GNG7: variants seen among roughly 807,000 people sequenced by gnomAD.
GNG7 encodes the protein guanine nucleotide-binding protein G(I)/G(S)/G(O) subunit gamma-7.
In GNG7, 1 loss-of-function variant was observed where a neutral mutation model predicts 4.0. The observed-to-expected ratio is 0.25, with a 90% CI of 0.09 to 1.18. GNG7 has a LOEUF of 1.18. Ranked by LOEUF, GNG7 falls within the 50% of genes most tolerant of loss-of-function variation. GNG7 has a pLI of 0.50. For synonymous variants in GNG7, 34 were observed against 36.9 expected, an observed-to-expected ratio of 0.92 and a Z score of 0.29; for missense variants, 86 against 91.9, an observed-to-expected ratio of 0.94 and a Z score of 0.26.
At chr19:2,644,024 T>A (rs901778473) in intron 2 of GNG7, among the ~76,000 whole-genome samples, 1 of 152,110 alleles carries the variant, frequency 6.6e-6, no homozygotes, top group Non-Finnish European at 1.5e-5. Context: ...CACTTTATTT[T>A]ATTTTATTAT....
chr19:2,512,060 T>A lies in GNG7; in HGVS notation c.*2962A>T. The A allele has an allele frequency of 3.0e-6, 3 of 985,804 alleles. No homozygotes were observed. Among genetic ancestry groups the A allele is most frequent in the Non-Finnish European group, 3.6e-6 (3 of 829,940 alleles). 61.1% of individuals were successfully genotyped at this position (985,804 alleles called of 1,614,324 possible). A position where few individuals can be genotyped will look rare whatever the true frequency, so the allele number is the denominator to read the frequency against. On this transcript the variant is annotated 3_prime_UTR_variant, in exon 5 of 5. Transcript: ENST00000382159. The surrounding 1 kb of genome is among the most constrained non-coding windows in gnomAD (Gnocchi z 4.7). ...ACAGAAGGAGAAACGGCCTTCTCTC[T>A]CCCACCCGACGCTGCCTTGTGTGTG...
At chr19:2,524,531 T>C (rs979157219) in intron 3 of GNG7, among the ~76,000 whole-genome samples, 2 of 152,220 alleles carry the variant, frequency 1.3e-5, no homozygotes, top group South Asian at 2.1e-4. Flanking sequence ...TGTGCACACA[T>C]ATCTGCATGT....
intron 2 of GNG7, among the ~76,000 whole-genome samples, chr19:2,599,513 C>G (rs1483326625): frequency 6.6e-6 from 1 of 152,116 alleles, no homozygotes; most frequent in Non-Finnish European, 1.5e-5. Context: ...CCGCGTCACT[C>G]CGCCTGCCTG....
At chr19:2,567,431 C>T (rs1015024515) in intron 2 of GNG7, among the ~76,000 whole-genome samples, 7 of 151,388 alleles carry the variant, frequency 4.6e-5, no homozygotes, top group Non-Finnish European at 8.8e-5. Context: ...GCTCAAGCGA[C>T]CTCCCTGCCT....
chr19:2,543,800 G>A (rs1367629008), intron 3 of GNG7, among the ~76,000 whole-genome samples: 1 of 152,180 alleles, frequency 6.6e-6, no homozygotes, highest in Admixed American at 6.6e-5. Context: ...AGCCTTGTGT[G>A]GCGCGGCGTG....
chr19:2,660,158 A>G (rs1346190732), intron 1 of GNG7, among the ~76,000 whole-genome samples: 1 of 152,198 alleles, frequency 6.6e-6, no homozygotes, highest in Non-Finnish European at 1.5e-5. Context: ...CCTAGGATGC[A>G]TGTGTAAATC....
In GNG7 at chr19:2,664,766, C is replaced by T. The variant is rs77296835; in HGVS notation, c.-134-18486G>A. On this transcript the variant is annotated intron_variant, in intron 1 of 4. Transcript: ENST00000382159. The stretch of plus-strand genomic sequence containing the variant: ...TGCCAGTTAATGCAAGGTCTCTCCC[C>T]TGGAAACCGTGGACATTCAGAGCTG... Among the ~76,000 whole-genome samples, 871 of 152,146 alleles carry T rather than the reference C, an allele frequency of 5.7e-3. 5 individuals are homozygous for T. The highest frequency in any genetic ancestry group is 0.02 in the African/African-American group (845 of 41,488).
chr19:2,661,298 GAAAGAGAAAGAAAGAAAGAAAGAAAGAA>G (rs1983158097), intron 1 of GNG7, among the ~76,000 whole-genome samples: 6 of 35,968 alleles, frequency 1.7e-4, no homozygotes, highest in South Asian at 1.1e-3. Context: ...AAGAAAGAAA[GAAAGAGAAAGAAAGAAAGAAAGAAAGAA>G]AGAAAGAAAG....
intron 2 of GNG7, among the ~76,000 whole-genome samples, chr19:2,598,295 G>T (rs965608991): frequency 1.3e-5 from 2 of 152,110 alleles, no homozygotes; most frequent in Non-Finnish European, 2.9e-5. Flanking sequence ...AGGCCAAGGT[G>T]GGCGGATCAC....
intron 3 of GNG7, chr19:2,538,720 G>C: frequency 2.2e-6 from 1 of 460,896 alleles, no homozygotes; most frequent in Non-Finnish European, 4.4e-6. Context: ...ATTCCTCACT[G>C]CATTGGAAGT....
chr19:2,512,066 C>G lies in GNG7; in HGVS notation c.*2956G>C. The G allele has an allele frequency of 1.0e-6, 1 of 985,860 alleles. No individual in the cohort carries two copies. The highest frequency in any genetic ancestry group is 1.7e-5 in the African/African-American group (1 of 57,334). The allele number at this position is 985,860 out of a possible 1,614,324, so 61.1% of individuals were successfully genotyped here. On this transcript the variant is annotated 3_prime_UTR_variant, in exon 5 of 5. Coordinates refer to ENST00000382159, the MANE Select transcript of GNG7 (RefSeq NM_052847.3). The surrounding 1 kb of genome is among the most constrained non-coding windows in gnomAD (Gnocchi z 4.7). ...GGAGAAACGGCCTTCTCTCTCCCAC[C>G]CGACGCTGCCTTGTGTGTGTGCGTG...
intron 1 of GNG7, among the ~76,000 whole-genome samples, chr19:2,669,112 G>C (rs1250855997): frequency 6.6e-6 from 1 of 152,140 alleles, no homozygotes; most frequent in Admixed American, 6.5e-5. Context: ...CTCAAAGAAG[G>C]GGGTGGTCGT....
chr19:2,628,118 T>C (rs1262359880), intron 2 of GNG7, among the ~76,000 whole-genome samples: 1 of 152,182 alleles, frequency 6.6e-6, no homozygotes, highest in African/African-American at 2.4e-5. Context: ...ACACGGCAAG[T>C]GTATGAGTCA....
At chr19:2,665,580 G>A (rs1039476942) in intron 1 of GNG7, among the ~76,000 whole-genome samples, 8 of 152,196 alleles carry the variant, frequency 5.3e-5, no homozygotes, top group Non-Finnish European at 1.2e-4. Flanking sequence ...GGGGACGTAC[G>A]CTCTGGTATG....
intron 3 of GNG7, among the ~76,000 whole-genome samples, chr19:2,548,482 A>G (rs1413593790): frequency 1.1e-3 from 52 of 45,444 alleles, no homozygotes; most frequent in African/African-American, 6.1e-3. Context: ...CTCTGTCTGG[A>G]AAAAAAAAAA....
At position 2,512,696 on chromosome 19, in the gene GNG7, C is replaced by T. The variant is rs1471183453; in HGVS notation, c.*2326G>A. 1.7e-5 allele frequency: 3 copies of T among 173,278 alleles called. No homozygotes were observed. Among genetic ancestry groups the T allele is most frequent in the Non-Finnish European group, 3.4e-5 (3 of 87,392 alleles). 10.7% of individuals were successfully genotyped at this position (173,278 alleles called of 1,614,324 possible). On this transcript the variant is annotated 3_prime_UTR_variant, in exon 5 of 5. Transcript: ENST00000382159. This position sits in a 1 kb window ranked among gnomAD's most constrained non-coding sequence, Gnocchi z 4.7. ...TGGGGCCGGGCTTGGCACAGCTGTG[C>T]CCCCTCCTCCCTCTGCCCTGGCAGC... is the stretch of plus-strand genomic sequence containing the variant.
chr19:2,530,836 G>T (rs1489512832), intron 3 of GNG7, among the ~76,000 whole-genome samples: 2 of 152,202 alleles, frequency 1.3e-5, no homozygotes, highest in Non-Finnish European at 2.9e-5. Context: ...AGAGAGCCTG[G>T]GTTTGGGGTC....
In GNG7 at chr19:2,633,493, A is replaced by ACG. The variant is rs1555698932; in HGVS notation, c.-78+12730_-78+12731insCG. On this transcript the variant is annotated intron_variant, in intron 2 of 4. Coordinates refer to ENST00000382159, the MANE Select transcript of GNG7 (RefSeq NM_052847.3). The surrounding 1 kb of genome is among the most constrained non-coding windows in gnomAD (Gnocchi z 5.9). The stretch of plus-strand genomic sequence containing the variant: ...CAGGCGCGCGCGCGCGCGCGCACAC[A>ACG]CACACACACACACACACACACACAC... Among the ~76,000 whole-genome samples, 3,725 of 115,192 alleles carry ACG rather than the reference A, an allele frequency of 0.032. 163 individuals carry two copies. Among genetic ancestry groups the ACG allele is most frequent in the African/African-American group, 0.11 (3,471 of 31,538 alleles). The allele number at this position is 115,192 out of a possible 152,430, so 75.6% of individuals were successfully genotyped here. A position where few individuals can be genotyped will look rare whatever the true frequency, so the allele number is the denominator to read the frequency against.
intron 1 of GNG7, among the ~76,000 whole-genome samples, chr19:2,661,780 C>T (rs1159004276): frequency 6.6e-6 from 1 of 152,118 alleles, no homozygotes; most frequent in African/African-American, 2.4e-5. Flanking sequence ...AAGCTGAGGC[C>T]TCCACCAACA....
Sources: gnomAD v4.1 joint callset for allele counts (sites outside exome capture counted in the v4.1 genomes callset) on GRCh38, gnomAD v4.1.1 for gene constraint, Gnocchi (gnomAD v3.1) non-coding constraint, MANE v1.5 for transcripts, NCBI Gene and HGNC (gene_info 2026-07-23, HGNC 2026-07-21) for gene names.